KPNA1: variants seen among roughly 807,000 people sequenced by gnomAD.
The protein encoded by KPNA1 is karyopherin subunit alpha 1, also known as importin subunit alpha-5.
In KPNA1, 10 loss-of-function variants were observed where a neutral mutation model predicts 70.5. The observed-to-expected ratio is 0.14, with a 90% CI of 0.09 to 0.24. KPNA1 has a LOEUF of 0.24. KPNA1 is among the 10% of genes least tolerant of loss of function. KPNA1 has a pLI of 1.00. For synonymous variants in KPNA1, 192 were observed against 221.9 expected, an observed-to-expected ratio of 0.87 and a Z score of 1.20; for missense variants, 397 against 637.9, an observed-to-expected ratio of 0.62 and a Z score of 4.07.
At chr3:122,444,484 G>A (rs765863373) in intron 9 of KPNA1, among the ~76,000 whole-genome samples, 60 of 152,294 alleles carry the variant, frequency 3.9e-4, no homozygotes, top group Non-Finnish European at 5.9e-4. Flanking sequence ...GTAGACACGC[G>A]TAAGAAATTA....
intron 2 of KPNA1, among the ~76,000 whole-genome samples, chr3:122,480,234 A>T (rs2076555246): frequency 6.6e-6 from 1 of 152,112 alleles, no homozygotes; most frequent in African/African-American, 2.4e-5. Flanking sequence ...TATCAAACCC[A>T]CAGAATGCAC....
intron 1 of KPNA1, among the ~76,000 whole-genome samples, chr3:122,512,737 T>TA (rs1182140314): frequency 6.6e-6 from 1 of 152,124 alleles, no homozygotes; most frequent in African/African-American, 2.4e-5. Flanking sequence ...ATAAATAAAA[T>TA]AAAAAATACC....
chr3:122,474,092 T>C (rs987313278), intron 2 of KPNA1, among the ~76,000 whole-genome samples: 1 of 152,130 alleles, frequency 6.6e-6, no homozygotes, highest in Non-Finnish European at 1.5e-5. Flanking sequence ...TTAAAAAGTG[T>C]CATTTACATT....
At chr3:122,460,647 A>AG in intron 5 of KPNA1, 13 of 658,672 alleles carry the variant, frequency 2.0e-5, no homozygotes, top group Non-Finnish European at 2.4e-5. Context: ...AAGAAAAAGA[A>AG]GAAAAAAAAA....
intron 12 of KPNA1, 55 bp from the exon 13 acceptor site, chr3:122,427,771 G>T: frequency 8.3e-7 from 1 of 1,205,396 alleles, no homozygotes; most frequent in Non-Finnish European, 1.1e-6. Flanking sequence ...TTAAACTTAT[G>T]AAATTAGTGA....
At chr3:122,502,981 C>T (rs780487817) in intron 1 of KPNA1, among the ~76,000 whole-genome samples, 7 of 151,960 alleles carry the variant, frequency 4.6e-5, no homozygotes, top group African/African-American at 1.7e-4. Context: ...ACCTGTGGTC[C>T]CAGCTACTTG....
At chr3:122,489,036 G>A (rs1008822497) in intron 2 of KPNA1, among the ~76,000 whole-genome samples, 8 of 141,734 alleles carry the variant, frequency 5.6e-5, no homozygotes, top group Non-Finnish European at 9.1e-5. Flanking sequence ...CCCATAACTC[G>A]CTTGTGGGTT....
intron 9 of KPNA1, among the ~76,000 whole-genome samples, chr3:122,445,376 T>A (rs2076123654): frequency 6.6e-6 from 1 of 151,314 alleles, no homozygotes; most frequent in Admixed American, 6.6e-5. Flanking sequence ...AAAGAAGAGT[T>A]TTCAAAAGAG....
chr3:122,491,850 ATTTTTTT>A (rs67916227), intron 2 of KPNA1, among the ~76,000 whole-genome samples: 5 of 64,898 alleles, frequency 7.7e-5, no homozygotes, highest in South Asian at 8.5e-4. Context: ...TGACCATCAC[ATTTTTTT>A]TTTTTTTTTT....
intron 6 of KPNA1, 97 bp from the exon 7 acceptor site, chr3:122,452,161 G>A: frequency 1.2e-6 from 1 of 807,498 alleles, no homozygotes; most frequent in South Asian, 1.4e-5. Context: ...TCATCAGGGA[G>A]TCAAATGAAA....
chr3:122,431,323 G>A (rs772964285), intron 12 of KPNA1, among the ~76,000 whole-genome samples: 73 of 151,966 alleles, frequency 4.8e-4, no homozygotes, highest in Non-Finnish European at 7.8e-4. Context: ...ACACCAACAC[G>A]CCCAGCTAAT....
chr3:122,447,759 T>G (rs1209187186), intron 9 of KPNA1, among the ~76,000 whole-genome samples: 1 of 152,212 alleles, frequency 6.6e-6, no homozygotes, highest in Admixed American at 6.5e-5. Context: ...GACATGATTC[T>G]ATATTTAGAA....
rs1014129918 is a variant in KPNA1, at chr3:122,423,339, A to G, written c.*3646T>C. On this transcript the variant is annotated 3_prime_UTR_variant, in exon 14 of 14. Transcript: ENST00000344337. Reference sequence around the variant, plus strand: ...TCAGATTTGAGACTTCCATGTATATAGGCATACCTGTGTCTGCAAATGAGC... The same window carrying G: ...TCAGATTTGAGACTTCCATGTATATGGGCATACCTGTGTCTGCAAATGAGC... 4 of 152,238 alleles carry G rather than the reference A, an allele frequency of 2.6e-5. No homozygotes were observed. The highest frequency in any genetic ancestry group is 7.2e-5 in the African/African-American group (3 of 41,474). The allele number at this position is 152,238 out of a possible 1,614,324, so 9.4% of individuals were successfully genotyped here.
chr3:122,481,524 C>G (rs1008197368), intron 2 of KPNA1, among the ~76,000 whole-genome samples: 4 of 152,140 alleles, frequency 2.6e-5, no homozygotes, highest in Non-Finnish European at 5.9e-5. Context: ...AAGCGGGGAG[C>G]AGAGGGAATG....
In KPNA1 at chr3:122,424,450, C is replaced by T. The variant is rs1278147945; in HGVS notation, c.*2535G>A. ...CTACTTCACTTTTAGCCAATTCCAA[C>T]TTTGATACTTTAAGAAAAAATCATT... On this transcript the variant is annotated 3_prime_UTR_variant, in exon 14 of 14. Coordinates refer to ENST00000344337, the MANE Select transcript of KPNA1 (RefSeq NM_002264.4). 2 of 152,174 alleles carry T rather than the reference C, an allele frequency of 1.3e-5. No individual in the cohort carries two copies. Among genetic ancestry groups the T allele is most frequent in the Middle Eastern group, 3.4e-3 (1 of 294 alleles). The allele number at this position is 152,174 out of a possible 1,614,324, so 9.4% of individuals were successfully genotyped here. A position where few individuals can be genotyped will look rare whatever the true frequency, so the allele number is the denominator to read the frequency against.
At chr3:122,453,792 A>G in intron 6 of KPNA1, 78 bp downstream of exon 6, 1 of 1,409,104 alleles carries the variant, frequency 7.1e-7, no homozygotes, top group Non-Finnish European at 9.6e-7. Flanking sequence ...GGCCTCCCAA[A>G]ATGTTGGGAT....
chr3:122,473,883 G>C (rs1253204507), intron 2 of KPNA1, among the ~76,000 whole-genome samples: 1 of 152,076 alleles, frequency 6.6e-6, no homozygotes, highest in Non-Finnish European at 1.5e-5. Flanking sequence ...AGGGAAAAAG[G>C]CATGCTGATG....
chr3:122,463,790 G>A, intron 4 of KPNA1, 152 bp downstream of exon 4: 1 of 436,742 alleles, frequency 2.3e-6, no homozygotes, highest in Non-Finnish European at 4.1e-6. Context: ...TTAAAATTTA[G>A]GCATGGTTCA....
intron 5 of KPNA1, chr3:122,459,588 C>T (rs1000830490): frequency 1.0e-6 from 1 of 985,278 alleles, no homozygotes; most frequent in Middle Eastern, 5.2e-4. Flanking sequence ...AGAAAAGTCT[C>T]TCTTCCCTTG....
Sources: allele counts gnomAD v4.1 joint callset (sites outside exome capture counted in the v4.1 genomes callset), GRCh38; gene constraint gnomAD v4.1.1; transcripts MANE v1.5; gene names NCBI Gene and HGNC (gene_info 2026-07-23, HGNC 2026-07-21).